Variants in TAFA2 observed in about 807,000 individuals in gnomAD.
TAFA2 encodes the protein chemokine-like protein TAFA-2.
TAFA2 carries 7 observed loss-of-function variants against 18.8 expected under a neutral mutation model. The ratio of observed to expected loss-of-function variants is 0.37; its 90% confidence interval spans 0.21 to 0.70. TAFA2 has a LOEUF of 0.70. Among genes scored for constraint, TAFA2 ranks in the 30% least tolerant of loss-of-function variants. The pLI is 0.53. For missense variants in TAFA2, 122 were observed against 158.1 expected, an observed-to-expected ratio of 0.77 and a Z score of 1.23; for synonymous variants, 60 against 54.2, an observed-to-expected ratio of 1.11 and a Z score of -0.47.
At position 61,938,120 on chromosome 12, in the gene TAFA2, T is replaced by A. The variant is rs1473780299; in HGVS notation, c.-1-70694A>T. Among the ~76,000 whole-genome samples the A allele has an allele frequency of 1.1e-4, 16 of 150,632 alleles. No homozygotes were observed. The Admixed American group carries it at 1.1e-3, about 10-fold the overall frequency. On this transcript the variant is annotated intron_variant, in intron 1 of 4. Transcript: ENST00000416284. Reference sequence around the variant, plus strand: ...CAGTGAGATACCACCTTACCCTGTATGAATGGCCATTATTGCAAAGATAAA... The same window carrying A: ...CAGTGAGATACCACCTTACCCTGTAAGAATGGCCATTATTGCAAAGATAAA...
chr12:61,732,377 G>C (rs1452377149), intron 4 of TAFA2, among the ~76,000 whole-genome samples: 1 of 152,100 alleles, frequency 6.6e-6, no homozygotes, highest in Non-Finnish European at 1.5e-5. Flanking sequence ...ATTATTCAAT[G>C]AATCTTACTG....
At chr12:61,717,423 G>C (rs956039161) in intron 4 of TAFA2, among the ~76,000 whole-genome samples, 1 of 152,108 alleles carries the variant, frequency 6.6e-6, no homozygotes, top group Non-Finnish European at 1.5e-5. Context: ...TGATGATGGA[G>C]GTGACTCCTA....
intron 1 of TAFA2, among the ~76,000 whole-genome samples, chr12:62,047,119 A>C (rs1342937235): frequency 6.6e-6 from 1 of 152,144 alleles, no homozygotes; most frequent in Non-Finnish European, 1.5e-5. Context: ...AAGCATCAAC[A>C]AGTGTACTGA....
intron 2 of TAFA2, among the ~76,000 whole-genome samples, chr12:61,798,582 C>A (rs753154962): frequency 6.6e-6 from 1 of 152,132 alleles, no homozygotes; most frequent in Non-Finnish European, 1.5e-5. Context: ...TCCCTGACAA[C>A]CCCCATTCTA....
chr12:62,209,197 C>T (rs2062704027), intron 1 of TAFA2, among the ~76,000 whole-genome samples: 1 of 152,208 alleles, frequency 6.6e-6, no homozygotes, highest in African/African-American at 2.4e-5. Flanking sequence ...TCTCCATAAT[C>T]CCCATCTGTC....
At chr12:61,923,331 G>A (rs1025380673) in intron 1 of TAFA2, among the ~76,000 whole-genome samples, 1 of 152,174 alleles carries the variant, frequency 6.6e-6, no homozygotes, top group Non-Finnish European at 1.5e-5. Flanking sequence ...AATACCTCAT[G>A]CAGGAGAGCT....
In TAFA2 at chr12:61,808,370, C is replaced by A. The variant is rs764538232; in HGVS notation, c.107-53346G>T. Among the ~76,000 whole-genome samples, 8 of 151,488 alleles carry A rather than the reference C, an allele frequency of 5.3e-5. 1 individual carries two copies. Among genetic ancestry groups the A allele is most frequent in the African/African-American group, 1.7e-4 (7 of 40,770 alleles). On this transcript the variant is annotated intron_variant, in intron 2 of 4. Transcript: ENST00000416284. Reference sequence around the variant, plus strand: ...ACCTCTTTTCTGTAAGTCCAATAAACCTTTTTTCTTTGTAAATTTCCCAGT... The same window carrying A: ...ACCTCTTTTCTGTAAGTCCAATAAAACTTTTTTCTTTGTAAATTTCCCAGT...
At chr12:61,848,672 C>A (rs1860999903) in intron 2 of TAFA2, among the ~76,000 whole-genome samples, 1 of 150,294 alleles carries the variant, frequency 6.7e-6, no homozygotes, top group South Asian at 2.1e-4. Context: ...AACACTGTAT[C>A]TTCAGTTATC....
chr12:62,054,314 C>T (rs1882131860), intron 1 of TAFA2, among the ~76,000 whole-genome samples: 1 of 152,168 alleles, frequency 6.6e-6, no homozygotes, highest in Non-Finnish European at 1.5e-5. Flanking sequence ...GTCTTTTCAG[C>T]CCTTTTCACC....
chr12:62,013,908 A>G (rs1880846113), intron 1 of TAFA2, among the ~76,000 whole-genome samples: 2 of 152,210 alleles, frequency 1.3e-5, no homozygotes, highest in African/African-American at 4.8e-5. Flanking sequence ...TCTATCTTAC[A>G]AAGTCTACCT....
At chr12:61,807,233 T>C (rs1407006101) in intron 2 of TAFA2, among the ~76,000 whole-genome samples, 1 of 151,392 alleles carries the variant, frequency 6.6e-6, no homozygotes, top group Non-Finnish European at 1.5e-5. Flanking sequence ...TCCCAGCTGC[T>C]CCAGCCGTGG....
At chr12:62,032,050 T>C (rs1382152315) in intron 1 of TAFA2, among the ~76,000 whole-genome samples, 2 of 152,290 alleles carry the variant, frequency 1.3e-5, no homozygotes, top group South Asian at 2.1e-4. Context: ...ATAACTTAAA[T>C]AACATTGAAA....
chr12:61,849,855 T>C (rs1873567864), intron 2 of TAFA2, among the ~76,000 whole-genome samples: 1 of 152,234 alleles, frequency 6.6e-6, no homozygotes, highest in African/African-American at 2.4e-5. Context: ...TATTTTGCTA[T>C]GTGAATTCTT....
chr12:61,996,920 G>A (rs1011209210), intron 1 of TAFA2, among the ~76,000 whole-genome samples: 2 of 152,138 alleles, frequency 1.3e-5, no homozygotes, highest in African/African-American at 4.8e-5. Context: ...ATCCTGCTTA[G>A]TCTGCACATT....
intron 2 of TAFA2, among the ~76,000 whole-genome samples, chr12:61,807,182 T>A (rs1287028603): frequency 6.6e-6 from 1 of 151,220 alleles, no homozygotes; most frequent in Non-Finnish European, 1.5e-5. Flanking sequence ...TGGGCCCAGG[T>A]TCCTCATGCT....
chr12:61,981,583 A>T (rs1303874681), intron 1 of TAFA2, among the ~76,000 whole-genome samples: 1 of 152,230 alleles, frequency 6.6e-6, no homozygotes, highest in East Asian at 1.9e-4. Flanking sequence ...TAATATCCAG[A>T]ATCTACAAAG....
chr12:62,062,812 T>C (rs1882386478), intron 1 of TAFA2, among the ~76,000 whole-genome samples: 1 of 152,082 alleles, frequency 6.6e-6, no homozygotes. Flanking sequence ...ATAGTGGAGG[T>C]AACCATTTTC....
intron 2 of TAFA2, among the ~76,000 whole-genome samples, chr12:61,764,230 TGATA>T (rs140276194): frequency 0.47 from 70,261 of 149,994 alleles, 16,651 homozygotes; most frequent in Middle Eastern, 0.53. Context: ...GATGATTGAT[TGATA>T]GATAGATAGA....
In TAFA2 at chr12:61,773,665, A is replaced by T. The variant is rs189285777; in HGVS notation, c.107-18641T>A. Among the ~76,000 whole-genome samples, 776 of 152,024 alleles carry T rather than the reference A, an allele frequency of 5.1e-3. 5 individuals are homozygous for T. The highest frequency in any genetic ancestry group is 0.018 in the African/African-American group (746 of 41,542). On this transcript the variant is annotated intron_variant, in intron 2 of 4. Coordinates refer to ENST00000416284, the MANE Select transcript of TAFA2 (RefSeq NM_178539.5). ...AATTGGCAAGCCACATGTAGAATGA[A>T]ACTGGATCCTCATCTCTCACCTTAT...
Sources: gnomAD v4.1 joint callset for allele counts (sites outside exome capture counted in the v4.1 genomes callset) on GRCh38, gnomAD v4.1.1 for gene constraint, MANE v1.5 for transcripts, NCBI Gene and HGNC (gene_info 2026-07-23, HGNC 2026-07-21) for gene names.